The following C17orf75 variants were observed in gnomAD, a reference collection of about 807,000 sequenced individuals.
The protein encoded by C17orf75 is protein Njmu-R1.
In C17orf75, 32 loss-of-function variants were observed where a neutral mutation model predicts 49.6. That is an observed-to-expected ratio of 0.65 (90% confidence interval 0.49 to 0.87). C17orf75 has a LOEUF of 0.87. C17orf75 is among the 40% of genes least tolerant of loss of function. The pLI, the probability that C17orf75 is intolerant of heterozygous loss-of-function variation, is 0.00. For missense variants in C17orf75, 428 were observed against 473.9 expected (o/e 0.90, Z 0.90); for synonymous variants, 158 against 159.5 (o/e 0.99, Z 0.07).
In C17orf75 at chr17:32,339,954, A is replaced by G; in HGVS notation, c.222-16T>C. 1.9e-6 allele frequency: 3 copies of G among 1,613,552 alleles called. No individual in the cohort carries two copies. The highest frequency in any genetic ancestry group is 1.7e-6 in the Non-Finnish European group (2 of 1,179,668). ...CAAGGAGAGGCTTGACAAATGAAAG[A>G]CACACATTCTTTACCAGTGGACTAG... On this transcript the variant is annotated splice_polypyrimidine_tract_variant and intron_variant, in intron 2 of 9. Transcript: ENST00000577809.
rs1466952378 is a variant in C17orf75, at chr17:32,334,783, G to A, written c.726C>T (p.Asp242=). 1.2e-6 allele frequency: 2 copies of A among 1,603,532 alleles called. No individual in the cohort carries two copies. Among genetic ancestry groups the A allele is most frequent in the Admixed American group, 1.7e-5 (1 of 58,362 alleles). ...AAAAAACTGTTCTTTACCTGTTAAT[G>A]TCTCTCTTTGTTTTTTCATCTGATT... is the stretch of plus-strand genomic sequence containing the variant. ...VKESDEKTKR[D]INRFLSVASL... The change falls in exon 7 of 10, where the codon GAC becomes GAT. Residue 242 remains aspartate, a synonymous_variant. Coordinates refer to ENST00000577809, the MANE Select transcript of C17orf75 (RefSeq NM_022344.4).
intron 1 of C17orf75, among the ~76,000 whole-genome samples, chr17:32,347,596 C>T (rs1300752631): frequency 1.3e-5 from 2 of 152,068 alleles, no homozygotes; most frequent in African/African-American, 4.8e-5. Context: ...ATTATATTTT[C>T]TTATAGTCTG....
At chr17:32,342,822 C>G (rs1012059886), upstream of C17orf75, among the ~76,000 whole-genome samples, 1 of 152,172 alleles carries the variant, frequency 6.6e-6, no homozygotes, top group African/African-American at 2.4e-5. Context: ...CCTGTAATGC[C>G]AGCTACCCTT....
chr17:32,344,864 G>A (rs573785441), upstream of C17orf75, among the ~76,000 whole-genome samples: 55 of 150,362 alleles, frequency 3.7e-4, no homozygotes, highest in Middle Eastern at 7.1e-3. Context: ...CCGAAATCAT[G>A]CCACTGCACT....
At chr17:32,349,030 T>A (rs1254975174) in intron 1 of C17orf75, among the ~76,000 whole-genome samples, 1 of 151,946 alleles carries the variant, frequency 6.6e-6, no homozygotes, top group Non-Finnish European at 1.5e-5. Context: ...TACGCCTGGC[T>A]AATTTTTGTA....
rs1294100663 is a variant in C17orf75, at chr17:32,342,143, G to GGCGGCCTCTGA, written c.-15_-5dup. 1 of 1,593,776 alleles carries GGCGGCCTCTGA rather than the reference G, an allele frequency of 6.3e-7. No homozygotes were observed. Among genetic ancestry groups the GGCGGCCTCTGA allele is most frequent in the Non-Finnish European group, 8.5e-7 (1 of 1,171,394 alleles). On this transcript the variant is annotated 5_prime_UTR_variant, in exon 1 of 10. Coordinates refer to ENST00000577809, the MANE Select transcript of C17orf75 (RefSeq NM_022344.4). ...ACTCCTGCAAAGAGGGGAGCATTGC[G>GGCGGCCTCTGA]GCGGCCTCTGAGCGGCCCTGTGTCT...
At chr17:32,337,102 G>A (rs1012698871) in intron 5 of C17orf75, among the ~76,000 whole-genome samples, 2 of 151,936 alleles carry the variant, frequency 1.3e-5, no homozygotes, top group African/African-American at 2.4e-5. Flanking sequence ...AGCCATGATC[G>A]TGCCACTGCA....
At chr17:32,347,207 C>G (rs1347040383), upstream of C17orf75, among the ~76,000 whole-genome samples, 1 of 151,836 alleles carries the variant, frequency 6.6e-6, no homozygotes, top group Admixed American at 6.6e-5. Flanking sequence ...GTGATCAACC[C>G]ACATCGGCCT....
At chr17:32,334,233 CTCCT>C (rs2150774542) in intron 8 of C17orf75, among the ~76,000 whole-genome samples, 1 of 152,272 alleles carries the variant, frequency 6.6e-6, no homozygotes, top group Non-Finnish European at 1.5e-5. Flanking sequence ...TAAAATTCAT[CTCCT>C]TGTGTACACA....
rs1039353584 is a variant in C17orf75, at chr17:32,332,096, T to A, written c.976-118A>T. Reference sequence around the variant, plus strand: ...TTCCTGAATTGTTTGCTTTTCATATTAAATATTTCCAAAATTTAAATTGCA... The same window carrying A: ...TTCCTGAATTGTTTGCTTTTCATATAAAATATTTCCAAAATTTAAATTGCA... On this transcript the variant is annotated intron_variant, in intron 9 of 9. Coordinates refer to ENST00000577809, the MANE Select transcript of C17orf75 (RefSeq NM_022344.4). 20 of 846,114 alleles carry A rather than the reference T, an allele frequency of 2.4e-5. No homozygotes were observed. The South Asian group carries it at 3.6e-4, about 15-fold the overall frequency. The allele number at this position is 846,114 out of a possible 1,614,324, so 52.4% of individuals were successfully genotyped here.
chr17:32,347,687 G>A (rs568584849), intron 1 of C17orf75, among the ~76,000 whole-genome samples: 72 of 152,206 alleles, frequency 4.7e-4, no homozygotes, highest in African/African-American at 1.4e-3. Flanking sequence ...TTTGGTTGAG[G>A]CAAGAGAGAG....
rs1289641803 is a variant in C17orf75 at position 32,329,110 on chromosome 17, A to C, written c.*2653T>G. 2 of 148,950 alleles carry C rather than the reference A, an allele frequency of 1.3e-5. No homozygotes were observed. Among genetic ancestry groups the C allele is most frequent in the Non-Finnish European group, 3.0e-5 (2 of 67,526 alleles). The allele number at this position is 148,950 out of a possible 1,614,324, so 9.2% of individuals were successfully genotyped here. Reference sequence around the variant, plus strand: ...GAGACGGAGTCTCGCTCTGTCGCCCAGGCTTGAGTGCAGTGGTGTGATCTC... The same window carrying C: ...GAGACGGAGTCTCGCTCTGTCGCCCCGGCTTGAGTGCAGTGGTGTGATCTC... On this transcript the variant is annotated 3_prime_UTR_variant, in exon 10 of 10. Transcript: ENST00000577809.
upstream of C17orf75, among the ~76,000 whole-genome samples, chr17:32,342,711 G>A (rs1041299293): frequency 6.6e-6 from 1 of 152,208 alleles, no homozygotes. Flanking sequence ...CGACGCAGGC[G>A]GATCACTTGA....
At chr17:32,348,552 A>G (rs576304781) in intron 1 of C17orf75, among the ~76,000 whole-genome samples, 1 of 152,330 alleles carries the variant, frequency 6.6e-6, no homozygotes, top group East Asian at 1.9e-4. Context: ...TTTTAATAGT[A>G]ACATAATTTA....
At chr17:32,345,996 A>T (rs1021970424), upstream of C17orf75, among the ~76,000 whole-genome samples, 3 of 152,162 alleles carry the variant, frequency 2.0e-5, no homozygotes, top group African/African-American at 7.2e-5. Flanking sequence ...ACTTTAGTAT[A>T]TACACATATC....
intron 5 of C17orf75, among the ~76,000 whole-genome samples, chr17:32,335,958 A>G (rs115529230): frequency 0.031 from 4,733 of 152,256 alleles, 217 homozygotes; most frequent in African/African-American, 0.11. Flanking sequence ...TCCACTCCAG[A>G]TGTCAGACAT....
intron 5 of C17orf75, among the ~76,000 whole-genome samples, chr17:32,336,882 A>G (rs1454662403): frequency 6.6e-6 from 1 of 151,948 alleles, no homozygotes; most frequent in African/African-American, 2.4e-5. Flanking sequence ...GCAGTGGTTC[A>G]TACCTGTAAT....
chr17:32,339,889 G>A lies in C17orf75; in HGVS notation c.271C>T (p.Arg91Cys), dbSNP rs1026176074. ...GAAAGACGCTTAGCAATGAAACTGC[G>A]CAGCTCTGGCTCCACTTCGGATGGT... Reference protein sequence around the residue: ...NLPSEVEPELRSFIAKRLSRG... With the variant: ...NLPSEVEPELCSFIAKRLSRG... Residue 91 changes from arginine to cysteine, a missense_variant, in exon 3 of 10, where the codon CGC becomes TGC. By Grantham distance (180) the Arg-to-Cys change is radical. Transcript: ENST00000577809. 5.6e-6 allele frequency: 9 copies of A among 1,613,894 alleles called. No individual in the cohort carries two copies. Among genetic ancestry groups the A allele is most frequent in the Admixed American group, 1.7e-5 (1 of 60,004 alleles).
chr17:32,342,261 C>T (rs746487518), upstream of C17orf75: 5 of 1,363,298 alleles, frequency 3.7e-6, no homozygotes, highest in East Asian at 9.1e-5. Context: ...CTGGTTTCCC[C>T]GGGTTCGCAG....
Sources: allele counts gnomAD v4.1 joint callset (sites outside exome capture counted in the v4.1 genomes callset), GRCh38; gene constraint gnomAD v4.1.1; transcripts MANE v1.5; gene names NCBI Gene and HGNC (gene_info 2026-07-23, HGNC 2026-07-21).